The following CCDC158 variants were observed in gnomAD, a reference collection of about 807,000 sequenced individuals.
The protein encoded by CCDC158 is coiled-coil domain containing 158.
Under a neutral mutation model 138.6 loss-of-function variants are expected in CCDC158, and 116 were observed. That is an observed-to-expected ratio of 0.84 (90% CI 0.72 to 0.98). The LOEUF (loss-of-function observed/expected upper bound fraction) is 0.98, where lower values mean the gene tolerates loss of function less well. Among genes scored for constraint, CCDC158 ranks in the 50% least tolerant of loss-of-function variants. CCDC158 has a pLI of 0.00. For missense variants in CCDC158, 1,265 were observed against 1,306.1 expected, an observed-to-expected ratio of 0.97 and a Z score of 0.48; for synonymous variants, 436 against 442.4, an observed-to-expected ratio of 0.99 and a Z score of 0.18.
At chr4:76,377,537 T>C (rs1725827872) in intron 9 of CCDC158, among the ~76,000 whole-genome samples, 1 of 152,248 alleles carries the variant, frequency 6.6e-6, no homozygotes, top group Non-Finnish European at 1.5e-5. Flanking sequence ...CCTCCTGCTG[T>C]TGTCTGCAGG....
Position 76,313,213 on chromosome 4 carries a change from CTCTTT to C in CCDC158, c.3306_3310del (p.Lys1103AspfsTer29). 6.2e-7 allele frequency: 1 copy of C among 1,608,518 alleles called. No individual in the cohort carries two copies. The highest frequency in any genetic ancestry group is 8.5e-7 in the Non-Finnish European group (1 of 1,176,966). ...TTCCTGGTCTTTTACTTTCTGTATC[CTCTTT>C]TCTTGATTTCTGATCATTGAAGACA... is the stretch of plus-strand genomic sequence containing the variant. On this transcript the variant is annotated frameshift_variant, in exon 25 of 25. Transcript: ENST00000682701. LOFTEE classifies it high-confidence loss of function.
At chr4:76,315,267 C>A (rs1719269045) in intron 24 of CCDC158, among the ~76,000 whole-genome samples, 1 of 152,190 alleles carries the variant, frequency 6.6e-6, no homozygotes, top group South Asian at 2.1e-4. Flanking sequence ...AAGCCCTACA[C>A]AAGGAGAGTC....
intron 6 of CCDC158, 86 bp from the exon 7 acceptor site, chr4:76,383,824 T>A: frequency 1.1e-6 from 1 of 908,822 alleles, no homozygotes; most frequent in Non-Finnish European, 1.8e-6. Flanking sequence ...AGGAATGCTT[T>A]AAATGCAAGT....
At chr4:76,371,939 CAAAA>C (rs539607968) in intron 9 of CCDC158, among the ~76,000 whole-genome samples, 1 of 65,450 alleles carries the variant, frequency 1.5e-5, no homozygotes, top group African/African-American at 5.1e-5. Flanking sequence ...ACTACATCTC[CAAAA>C]AAAAAAAAAA....
At chr4:76,409,884 C>G (rs529506617) in intron 2 of CCDC158, among the ~76,000 whole-genome samples, 5 of 151,106 alleles carry the variant, frequency 3.3e-5, no homozygotes, top group African/African-American at 9.8e-5. Context: ...ATCTATTCTA[C>G]TCTAGTTATT....
chr4:76,351,591 A>T (rs1723044771), intron 17 of CCDC158, 129 bp downstream of exon 17: 1 of 629,842 alleles, frequency 1.6e-6, no homozygotes, highest in Admixed American at 2.6e-5. Flanking sequence ...ACATCTTATC[A>T]TTGCTATTAA....
At position 76,363,308 on chromosome 4, in the gene CCDC158, T is replaced by A. The variant is rs1252376269; in HGVS notation, c.1831-993A>T. On this transcript the variant is annotated intron_variant, in intron 12 of 24. Coordinates refer to ENST00000682701, the MANE Select transcript of CCDC158 (RefSeq NM_001394954.1). ...CAGGGGGTGGAGTAGGAAGTAAGCA[T>A]GTCCTGCATAACTCTACTCGGAGAA... 2.0e-5 allele frequency among the ~76,000 whole-genome samples: 3 copies of A among 152,228 alleles called. No individual in the cohort carries two copies. The East Asian group carries it at 5.8e-4, about 29-fold the overall frequency.
chr4:76,374,114 C>T (rs889442388), intron 9 of CCDC158, among the ~76,000 whole-genome samples: 4 of 152,174 alleles, frequency 2.6e-5, no homozygotes, highest in Admixed American at 1.3e-4. Context: ...CATGTTCGTG[C>T]CACTGCACTC....
At chr4:76,383,856 T>C in intron 6 of CCDC158, 118 bp from the exon 7 acceptor site, 3 of 769,100 alleles carry the variant, frequency 3.9e-6, no homozygotes, top group Non-Finnish European at 6.6e-6. Context: ...TAAAATCAGA[T>C]ACATTCTATC....
intron 18 of CCDC158, among the ~76,000 whole-genome samples, chr4:76,348,660 T>G (rs1368244874): frequency 6.6e-6 from 1 of 152,118 alleles, no homozygotes; most frequent in East Asian, 1.9e-4. Context: ...ATGAATTAAA[T>G]GGAAATCTAG....
chr4:76,392,344 TC>T (rs1239367230), intron 4 of CCDC158, among the ~76,000 whole-genome samples: 2 of 151,964 alleles, frequency 1.3e-5, no homozygotes, highest in African/African-American at 4.8e-5. Flanking sequence ...ATGTGATACA[TC>T]ATATCAACAG....
At chr4:76,334,612 A>AT in intron 18 of CCDC158, among the ~76,000 whole-genome samples, 1 of 152,326 alleles carries the variant, frequency 6.6e-6, no homozygotes, top group South Asian at 2.1e-4. Flanking sequence ...CATCTTACTG[A>AT]TGAGGAAAGA....
At chr4:76,408,746 T>G (rs950882495) in intron 2 of CCDC158, among the ~76,000 whole-genome samples, 24 of 152,334 alleles carry the variant, frequency 1.6e-4, no homozygotes, top group African/African-American at 5.8e-4. Context: ...GATCTAGATC[T>G]CTGAGGAATT....
chr4:76,379,822 G>A (rs921368365), intron 8 of CCDC158, among the ~76,000 whole-genome samples: 1 of 151,268 alleles, frequency 6.6e-6, no homozygotes, highest in Non-Finnish European at 1.5e-5. Flanking sequence ...ATGTCAAATT[G>A]TAATCCCCAC....
intron 24 of CCDC158, among the ~76,000 whole-genome samples, chr4:76,316,900 CAAAAAA>C (rs77150446): frequency 6.4e-4 from 40 of 62,628 alleles, no homozygotes; most frequent in Admixed American, 1.6e-3. Context: ...CTTTTGCAGA[CAAAAAA>C]AAAAAAAAAA....
intron 16 of CCDC158, chr4:76,352,843 A>G (rs576808066): frequency 2.6e-4 from 71 of 272,374 alleles, no homozygotes; most frequent in African/African-American, 1.3e-3. Flanking sequence ...TCATGTCACT[A>G]TGGATATCAG....
intron 9 of CCDC158, among the ~76,000 whole-genome samples, chr4:76,373,428 A>G (rs906134450): frequency 2.6e-5 from 4 of 152,222 alleles, no homozygotes; most frequent in Non-Finnish European, 2.9e-5. Context: ...GTGGCTATTT[A>G]GTAGGTTTCC....
At chr4:76,350,858 GA>G (rs1722973718) in intron 18 of CCDC158, 137 bp downstream of exon 18, 6 of 718,118 alleles carry the variant, frequency 8.4e-6, no homozygotes, top group Non-Finnish European at 1.2e-5. Context: ...GAATTTATAG[GA>G]AAATGTATAA....
chr4:76,344,925 G>C (rs890911324), intron 18 of CCDC158: 5 of 1,532,154 alleles, frequency 3.3e-6, no homozygotes, highest in Middle Eastern at 1.9e-4. Context: ...GAAATGTTTG[G>C]TGGCTTCTTC....
Sources: gnomAD v4.1 joint callset for allele counts (sites outside exome capture counted in the v4.1 genomes callset) on GRCh38, gnomAD v4.1.1 for gene constraint, MANE v1.5 for transcripts, NCBI Gene and HGNC (gene_info 2026-07-23, HGNC 2026-07-21) for gene names.